The following ADCY8 variants were observed in gnomAD, a reference collection of about 807,000 sequenced individuals.
ADCY8 encodes the protein adenylate cyclase type 8.
In ADCY8, 51 loss-of-function variants were observed where a neutral mutation model predicts 119.7. The ratio of observed to expected loss-of-function variants is 0.43; its 90% CI spans 0.34 to 0.54. The LOEUF (loss-of-function observed/expected upper bound fraction) is 0.54. ADCY8 is among the 20% of genes least tolerant of loss of function. ADCY8 has a pLI of 0.03. For synonymous variants in ADCY8, 665 were observed against 651.0 expected, an observed-to-expected ratio of 1.02 and a Z score of -0.33; for missense variants, 1,383 against 1,598.8, an observed-to-expected ratio of 0.87 and a Z score of 2.30.
chr8:130,872,116 G>C (rs1818385479), intron 8 of ADCY8, among the ~76,000 whole-genome samples: 1 of 152,060 alleles, frequency 6.6e-6, no homozygotes, highest in Non-Finnish European at 1.5e-5. Context: ...TCTTAGATTA[G>C]GATTTGGAAT....
intron 2 of ADCY8, among the ~76,000 whole-genome samples, chr8:130,970,301 G>T (rs1394658766): frequency 6.6e-6 from 1 of 152,188 alleles, no homozygotes. Flanking sequence ...TCTGCCTCCT[G>T]TCAGATCGGT....
chr8:130,920,616 G>A (rs1820272524), intron 5 of ADCY8, among the ~76,000 whole-genome samples: 1 of 152,234 alleles, frequency 6.6e-6, no homozygotes, highest in African/African-American at 2.4e-5. Flanking sequence ...AGCTTTTGCA[G>A]ATGTTATTGC....
chr8:130,846,727 C>T (rs1817318067), intron 11 of ADCY8, among the ~76,000 whole-genome samples: 1 of 143,506 alleles, frequency 7.0e-6, no homozygotes, highest in Non-Finnish European at 1.5e-5. Context: ...CTTCCCCTTC[C>T]TTCCTTCCTT....
chr8:130,790,928 T>G (rs1416702430), intron 15 of ADCY8, among the ~76,000 whole-genome samples: 1 of 152,120 alleles, frequency 6.6e-6, no homozygotes, highest in Non-Finnish European at 1.5e-5. Context: ...TTCCCCAGAG[T>G]AATCTCTTGA....
In ADCY8 at chr8:130,918,320, A is replaced by C. The variant is rs530426540; in HGVS notation, c.1482-8454T>G. Reference sequence around the variant, plus strand: ...CTGTGCCCCTACAAGGTGGAGAGAGAGAGCCAGCAAGCTCTCTGGGGTCTC... The same window carrying C: ...CTGTGCCCCTACAAGGTGGAGAGAGCGAGCCAGCAAGCTCTCTGGGGTCTC... On this transcript the variant is annotated intron_variant, in intron 5 of 17. Coordinates refer to ENST00000286355, the MANE Select transcript of ADCY8 (RefSeq NM_001115.3). Among the ~76,000 whole-genome samples, 292 of 152,232 alleles carry C rather than the reference A, an allele frequency of 1.9e-3. 2 individuals are homozygous for C. Among genetic ancestry groups the C allele is most frequent in the Non-Finnish European group, 3.2e-3 (217 of 68,010 alleles).
chr8:130,869,370 A>G (rs907425717), intron 8 of ADCY8, among the ~76,000 whole-genome samples: 8 of 152,228 alleles, frequency 5.3e-5, no homozygotes, highest in Non-Finnish European at 1.0e-4. Context: ...ATAGAGGCCT[A>G]CACAGAGCAG....
chr8:130,869,941 C>G (rs1279251816), intron 8 of ADCY8, among the ~76,000 whole-genome samples: 1 of 119,296 alleles, frequency 8.4e-6, no homozygotes, highest in African/African-American at 3.1e-5. Context: ...TCCTCCTCCT[C>G]TTCTTCTTCT....
At chr8:130,888,549 C>T (rs1819072207) in intron 7 of ADCY8, among the ~76,000 whole-genome samples, 2 of 152,038 alleles carry the variant, frequency 1.3e-5, no homozygotes, top group Admixed American at 6.6e-5. Flanking sequence ...GTGCTCTCCT[C>T]AGGTATTTCC....
chr8:131,011,833 A>G (rs964550031), intron 1 of ADCY8, among the ~76,000 whole-genome samples: 2 of 152,144 alleles, frequency 1.3e-5, no homozygotes, highest in African/African-American at 4.8e-5. Flanking sequence ...AGAATGCAGG[A>G]GCACCCTGGT....
intron 15 of ADCY8, among the ~76,000 whole-genome samples, chr8:130,787,628 C>G (rs569704166): frequency 6.6e-6 from 1 of 152,204 alleles, no homozygotes; most frequent in Admixed American, 6.5e-5. Context: ...GTGTGTATGT[C>G]TACATGTGTA....
intron 1 of ADCY8, among the ~76,000 whole-genome samples, chr8:131,033,522 T>C (rs1183363084): frequency 6.6e-6 from 1 of 152,130 alleles, no homozygotes; most frequent in South Asian, 2.1e-4. Context: ...CTAATTATGC[T>C]CTGACCTGCT....
chr8:130,799,475 T>G (rs1815695677), intron 15 of ADCY8, among the ~76,000 whole-genome samples: 1 of 152,154 alleles, frequency 6.6e-6, no homozygotes, highest in Non-Finnish European at 1.5e-5. Flanking sequence ...GGATGCTGTT[T>G]AGAGTGATGT....
intron 2 of ADCY8, among the ~76,000 whole-genome samples, chr8:130,968,222 G>A (rs954813735): frequency 1.3e-5 from 2 of 151,530 alleles, no homozygotes; most frequent in Non-Finnish European, 2.9e-5. Flanking sequence ...CCAGGCTGGA[G>A]TGCAGTGGCG....
At chr8:130,781,174 T>C (rs1815068003) in intron 17 of ADCY8, among the ~76,000 whole-genome samples, 1 of 152,180 alleles carries the variant, frequency 6.6e-6, no homozygotes, top group Non-Finnish European at 1.5e-5. Context: ...CAATTGAATA[T>C]AATTATTATT....
intron 2 of ADCY8, among the ~76,000 whole-genome samples, chr8:130,989,707 C>T (rs1238050890): frequency 2.0e-5 from 3 of 152,070 alleles, no homozygotes; most frequent in African/African-American, 7.2e-5. Flanking sequence ...TTAATAGGGA[C>T]AAATCTTTAT....
At chr8:130,798,380 GGTCATGGA>G (rs1338973224) in intron 15 of ADCY8, among the ~76,000 whole-genome samples, 2 of 152,200 alleles carry the variant, frequency 1.3e-5, no homozygotes, top group Non-Finnish European at 2.9e-5. Context: ...CTTTTCAGCT[GGTCATGGA>G]GTCGAGGGAG....
intron 11 of ADCY8, among the ~76,000 whole-genome samples, chr8:130,843,413 C>T (rs987355901): frequency 6.6e-6 from 1 of 152,174 alleles, no homozygotes; most frequent in Non-Finnish European, 1.5e-5. Flanking sequence ...GTAGTATGTT[C>T]TGCAGACTGT....
chr8:130,796,059 C>G (rs954539436), intron 15 of ADCY8, among the ~76,000 whole-genome samples: 6 of 152,210 alleles, frequency 3.9e-5, no homozygotes, highest in Non-Finnish European at 8.8e-5. Flanking sequence ...ACCTCCCTCC[C>G]TCTGCCTCCC....
intron 12 of ADCY8, among the ~76,000 whole-genome samples, chr8:130,824,932 A>G (rs1030432793): frequency 2.0e-5 from 3 of 152,214 alleles, no homozygotes; most frequent in Non-Finnish European, 4.4e-5. Context: ...GTCTTTCTGC[A>G]TCCATTCTTG....
Sources: allele counts gnomAD v4.1 joint callset (sites outside exome capture counted in the v4.1 genomes callset), GRCh38; gene constraint gnomAD v4.1.1; transcripts MANE v1.5; gene names NCBI Gene and HGNC (gene_info 2026-07-23, HGNC 2026-07-21).